The following UACA variants were observed in gnomAD, a reference collection of about 807,000 sequenced individuals.
UACA encodes uveal autoantigen with coiled-coil domains and ankyrin repeats.
UACA carries 112 observed loss-of-function variants against 160.5 expected under a neutral mutation model. The observed-to-expected ratio is 0.70, with a 90% CI of 0.60 to 0.82. The LOEUF (loss-of-function observed/expected upper bound fraction) is 0.82, where lower values mean the gene tolerates loss of function less well. UACA is among the 40% of genes least tolerant of loss of function. The probability of loss-of-function intolerance (pLI) is 0.00; values close to 1 mark genes in which losing one functional copy is unlikely to be tolerated. For synonymous variants in UACA, 557 were observed against 568.4 expected (o/e 0.98, Z 0.29); for missense variants, 1,574 against 1,614.6 (o/e 0.97, Z 0.43).
chr15:70,683,314 G>C (rs545300425), intron 8 of UACA, among the ~76,000 whole-genome samples: 1 of 152,018 alleles, frequency 6.6e-6, no homozygotes, highest in South Asian at 2.1e-4. Context: ...AGCTATGATG[G>C]CACCACTATA....
At chr15:70,750,204 T>C (rs2029958664) in intron 1 of UACA, among the ~76,000 whole-genome samples, 1 of 152,190 alleles carries the variant, frequency 6.6e-6, no homozygotes, top group African/African-American at 2.4e-5. Flanking sequence ...CCAATCCACC[T>C]GTCTCCAGGC....
intron 1 of UACA, chr15:70,702,103 A>T: frequency 7.5e-7 from 1 of 1,337,562 alleles, no homozygotes; most frequent in Non-Finnish European, 9.6e-7. Flanking sequence ...CTCCGCCTTC[A>T]TAACGCTCGA....
At chr15:70,721,601 T>G (rs1898995545) in intron 1 of UACA, among the ~76,000 whole-genome samples, 1 of 150,620 alleles carries the variant, frequency 6.6e-6, no homozygotes. Context: ...CACTCCAGCC[T>G]GGGCAACAGA....
intron 1 of UACA, among the ~76,000 whole-genome samples, chr15:70,752,694 G>C (rs574536321): frequency 6.6e-6 from 1 of 151,828 alleles, no homozygotes; most frequent in Admixed American, 6.6e-5. Context: ...TTACTACAGA[G>C]GTAATATAAA....
At position 70,657,033 on chromosome 15, in the gene UACA, A is replaced by T. The variant is rs200343329; in HGVS notation, c.*23T>A. On this transcript the variant is annotated 3_prime_UTR_variant, in exon 19 of 19. Transcript: ENST00000322954. The stretch of plus-strand genomic sequence containing the variant: ...GTTCAGCACCAGCAAGATAAAACAG[A>T]TACTGGCAGTCAGTGCTAACGGCTA... The T allele has an allele frequency of 7.5e-6, 12 of 1,607,998 alleles. No homozygotes were observed. In the African/African-American group the frequency reaches 1.5e-4, roughly 20 times the overall value.
the UACA span, among the ~76,000 whole-genome samples, chr15:70,770,200 A>C: frequency 3.3e-5 from 5 of 152,278 alleles, no homozygotes; most frequent in East Asian, 9.6e-4. Flanking sequence ...ACTTGAATCA[A>C]TGTTTGTTTT....
chr15:70,775,539 T>C, the UACA span, among the ~76,000 whole-genome samples: 11 of 152,270 alleles, frequency 7.2e-5, no homozygotes, highest in South Asian at 1.9e-3. Context: ...TGAATTATGC[T>C]GATTCTAATG....
intron 1 of UACA, among the ~76,000 whole-genome samples, chr15:70,754,764 TACAA>T (rs1649828593): frequency 6.6e-6 from 1 of 152,222 alleles, no homozygotes; most frequent in African/African-American, 2.4e-5. Context: ...TTTGTGTGAC[TACAA>T]ACAATCCAAT....
At chr15:70,691,117 C>T (rs1355762394) in intron 4 of UACA, among the ~76,000 whole-genome samples, 182 bp downstream of exon 4, 1 of 152,174 alleles carries the variant, frequency 6.6e-6, no homozygotes, top group Non-Finnish European at 1.5e-5. Context: ...ATGCAATTCA[C>T]TTCCCTCAGT....
At chr15:70,727,188 C>G (rs1010607201) in intron 1 of UACA, among the ~76,000 whole-genome samples, 1 of 152,096 alleles carries the variant, frequency 6.6e-6, no homozygotes, top group African/African-American at 2.4e-5. Context: ...AAAGATCCAA[C>G]AGTATAAAGA....
Position 70,714,707 on chromosome 15 carries a change from A to G in UACA, c.79-15047T>C, listed in dbSNP as rs529276172. On this transcript the variant is annotated intron_variant, in intron 1 of 18. Transcript: ENST00000322954. ...AGAACTGGAGTCAGAAAGACTCAGA[A>G]ACCACTGCTTTGCCAAGATTTCCTA... 2.0e-5 allele frequency among the ~76,000 whole-genome samples: 3 copies of G among 152,340 alleles called. No individual in the cohort carries two copies. The East Asian group carries it at 5.8e-4, about 29-fold the overall frequency.
At chr15:70,672,680 C>T (rs2140913238) in intron 13 of UACA, among the ~76,000 whole-genome samples, 1 of 152,278 alleles carries the variant, frequency 6.6e-6, no homozygotes. Flanking sequence ...AAGAATAGGC[C>T]AGGCACAGTG....
At chr15:70,691,465 C>A in intron 3 of UACA, 102 bp from the exon 4 acceptor site, 3 of 765,404 alleles carry the variant, frequency 3.9e-6, no homozygotes, top group Non-Finnish European at 6.3e-6. Flanking sequence ...TAGTTGACAA[C>A]ATACTTAATC....
the UACA span, among the ~76,000 whole-genome samples, chr15:70,772,561 G>A: frequency 2.0e-5 from 3 of 151,628 alleles, no homozygotes; most frequent in South Asian, 2.1e-4. Context: ...GGATGACTAT[G>A]GGAGCTATGT....
chr15:70,665,459 G>A (rs1465573174), intron 16 of UACA, among the ~76,000 whole-genome samples: 1 of 152,116 alleles, frequency 6.6e-6, no homozygotes, highest in Non-Finnish European at 1.5e-5. Context: ...AAGAAAATCA[G>A]GTTGGGCACA....
chr15:70,739,391 T>G (rs1013110599), intron 1 of UACA, among the ~76,000 whole-genome samples: 3 of 151,960 alleles, frequency 2.0e-5, no homozygotes, highest in Admixed American at 6.6e-5. Flanking sequence ...ACCAAAAACA[T>G]CTCCAGACAT....
At chr15:70,770,052 A>T in the UACA span, among the ~76,000 whole-genome samples, 1 of 152,230 alleles carries the variant, frequency 6.6e-6, no homozygotes, top group Admixed American at 6.5e-5. Context: ...TTAAAAAAAT[A>T]CTTACTGCAT....
rs1462736263 is a variant in UACA, at chr15:70,667,191, G to A, written c.3493C>T (p.Pro1165Ser). Reference sequence around the variant, plus strand: ...TTAATCTGCAAATGCTCTGCCAGGGGTACAGAAGAGTTCTTTTGATTCTCC... The same window carrying A: ...TTAATCTGCAAATGCTCTGCCAGGGATACAGAAGAGTTCTTTTGATTCTCC... ...LLENQKNSSV[P>S]LAEHLQIKEA... The change falls in exon 16 of 19, where the codon CCC becomes TCC. Residue 1165 changes from proline to serine, a missense_variant. By Grantham distance (74) the Pro-to-Ser change is moderately conservative. Coordinates refer to ENST00000322954, the MANE Select transcript of UACA (RefSeq NM_018003.4). 1 of 1,613,730 alleles carries A rather than the reference G, an allele frequency of 6.2e-7. No individual in the cohort carries two copies. The highest frequency in any genetic ancestry group is 8.5e-7 in the Non-Finnish European group (1 of 1,179,896).
intron 1 of UACA, among the ~76,000 whole-genome samples, chr15:70,756,725 T>G (rs2030451631): frequency 6.6e-6 from 1 of 152,044 alleles, no homozygotes; most frequent in African/African-American, 2.4e-5. Flanking sequence ...ATACAAAAAT[T>G]AGCCAGGCAT....
Sources: gnomAD v4.1 joint callset for allele counts (sites outside exome capture counted in the v4.1 genomes callset) on GRCh38, gnomAD v4.1.1 for gene constraint, MANE v1.5 for transcripts, NCBI Gene and HGNC (gene_info 2026-07-23, HGNC 2026-07-21) for gene names.